The following TDRD9 variants were observed in gnomAD, a reference collection of about 807,000 sequenced individuals.
TDRD9 encodes tudor domain containing 9.
A neutral mutation model predicts 172.6 loss-of-function variants in TDRD9; 124 were observed. That is an observed-to-expected ratio of 0.72 (90% CI 0.62 to 0.83). The LOEUF is 0.83. Among genes scored for constraint, TDRD9 ranks in the 40% least tolerant of loss-of-function variants. The pLI is 0.00. For missense variants in TDRD9, 1,479 were observed against 1,714.1 expected, an observed-to-expected ratio of 0.86 and a Z score of 2.42; for synonymous variants, 619 against 617.1, an observed-to-expected ratio of 1.00 and a Z score of -0.05.
chr14:103,949,927 C>T (rs112881996), intron 1 of TDRD9, among the ~76,000 whole-genome samples: 3,537 of 152,182 alleles, frequency 0.023, 76 homozygotes, highest in East Asian at 0.07. Flanking sequence ...CCGCCCGCCT[C>T]GTCCTCCCAA....
intron 29 of TDRD9, 63 bp downstream of exon 29, chr14:104,031,326 G>A: frequency 1.4e-6 from 2 of 1,433,510 alleles, no homozygotes; most frequent in Non-Finnish European, 9.4e-7. Context: ...TTATGTGCTA[G>A]GAGTTGTAGT....
In TDRD9 at chr14:104,014,834, T is replaced by C; in HGVS notation, c.2216T>C (p.Ile739Thr). 6.3e-7 allele frequency: 1 copy of C among 1,585,214 alleles called. No homozygotes were observed. Among genetic ancestry groups the C allele is most frequent in the Non-Finnish European group, 8.6e-7 (1 of 1,159,006 alleles). ...DQEYIYKQRFILQVVLAGAFY... is the reference protein window; with the variant it reads ...DQEYIYKQRFTLQVVLAGAFY... ...GAGTATATATATAAGCAGCGATTCA[T>C]CCTACAGGTGTGCTGAAGTTTCCTG... Residue 739 changes from isoleucine to threonine, a missense_variant, in exon 21 of 36, where the codon ATC (isoleucine) becomes ACC (threonine). By Grantham distance (89) the Ile-to-Thr change is moderately conservative. Around this residue, in one of 3 missense-constraint regions of TDRD9, gnomAD observed 1,413 missense variants for 1,649.1 expected, o/e 0.86. Transcript: ENST00000409874.
At chr14:103,962,990 G>GTGTA in intron 2 of TDRD9, 89 bp from the exon 3 acceptor site, 2 of 682,878 alleles carry the variant, frequency 2.9e-6, no homozygotes, top group Admixed American at 2.7e-5. Flanking sequence ...GTGTGTGTGT[G>GTGTA]TGTATGCTGT....
At chr14:104,012,719 T>G (rs996888704) in intron 20 of TDRD9, among the ~76,000 whole-genome samples, 1 of 152,162 alleles carries the variant, frequency 6.6e-6, no homozygotes, top group African/African-American at 2.4e-5. Context: ...TTAGTGTTGG[T>G]TTCCTCTCTG....
intron 23 of TDRD9, among the ~76,000 whole-genome samples, chr14:104,021,954 C>T (rs147110595): frequency 6.6e-6 from 1 of 152,270 alleles, no homozygotes; most frequent in East Asian, 1.9e-4. Context: ...GGTTTAATGA[C>T]ATGTCATTAT....
chr14:104,004,039 A>G (rs1359973635), intron 13 of TDRD9, among the ~76,000 whole-genome samples, 199 bp from the exon 14 acceptor site: 1 of 152,216 alleles, frequency 6.6e-6, no homozygotes, highest in African/African-American at 2.4e-5. Context: ...TAGGATAGTC[A>G]TTCTTATTTA....
At chr14:103,977,058 G>A (rs2033274188) in intron 7 of TDRD9, among the ~76,000 whole-genome samples, 1 of 152,132 alleles carries the variant, frequency 6.6e-6, no homozygotes, top group Non-Finnish European at 1.5e-5. Context: ...TCTGGCACAT[G>A]TGAGATAATA....
At chr14:104,032,422 G>T (rs2035312396) in intron 30 of TDRD9, among the ~76,000 whole-genome samples, 1 of 152,078 alleles carries the variant, frequency 6.6e-6, no homozygotes, top group South Asian at 2.1e-4. Context: ...GGTCAGGCTG[G>T]TCTCAAACTC....
At chr14:104,008,735 G>T (rs1172106201) in intron 20 of TDRD9, among the ~76,000 whole-genome samples, 1 of 152,060 alleles carries the variant, frequency 6.6e-6, no homozygotes, top group African/African-American at 2.4e-5. Context: ...TCATCTTGTT[G>T]TATGTCTTTT....
Position 103,963,313 on chromosome 14 carries a change from AG to A in TDRD9, c.420+139del. ...TGTACAAGGTTCTGTGGTGGATAAG[AG>A]GAGGGTGTGCTCAGGCCAACCTGCA... On this transcript the variant is annotated intron_variant, in intron 3 of 35. Coordinates refer to ENST00000409874, the MANE Select transcript of TDRD9 (RefSeq NM_153046.3). The A allele has an allele frequency of 5.2e-6, 3 of 577,796 alleles. No homozygotes were observed. The South Asian group carries it at 7.9e-5, about 15-fold the overall frequency. The allele number at this position is 577,796 out of a possible 1,614,324, so 35.8% of individuals were successfully genotyped here.
chr14:104,014,715 T>G lies in TDRD9; in HGVS notation c.2107-10T>G, dbSNP rs948904298. 6.5e-7 allele frequency: 1 copy of G among 1,528,640 alleles called. No homozygotes were observed. Among genetic ancestry groups the G allele is most frequent in the Non-Finnish European group, 9.1e-7 (1 of 1,104,638 alleles). 94.7% of individuals were successfully genotyped at this position (1,528,640 alleles called of 1,614,324 possible). On this transcript the variant is annotated splice_polypyrimidine_tract_variant and intron_variant, in intron 20 of 35. Transcript: ENST00000409874. ...CTTTGAGACATCAGATTTCAATGTA[T>G]TTTTCTTAGGTGGCTGAATTATATG...
intron 5 of TDRD9, among the ~76,000 whole-genome samples, chr14:103,967,742 T>C (rs1249374711): frequency 6.6e-6 from 1 of 152,204 alleles, no homozygotes; most frequent in Non-Finnish European, 1.5e-5. Flanking sequence ...TGATCTACTG[T>C]TTCTTACAAA....
rs557501717 is a variant in TDRD9 at position 103,984,096 on chromosome 14, G to T, written c.1012-2121G>T. ...TTTCTAAGCAGCAAGGCATTCAAGA[G>T]GTGTCTTGGATGCTGTTAAAGGCAT... is the stretch of plus-strand genomic sequence containing the variant. On this transcript the variant is annotated intron_variant, in intron 7 of 35. Coordinates refer to ENST00000409874, the MANE Select transcript of TDRD9 (RefSeq NM_153046.3). Among the ~76,000 whole-genome samples, 20 of 152,298 alleles carry T rather than the reference G, an allele frequency of 1.3e-4. No homozygotes were observed. In the East Asian group the frequency reaches 3.7e-3, roughly 28 times the overall value.
intron 1 of TDRD9, among the ~76,000 whole-genome samples, chr14:103,950,201 T>G (rs2031799093): frequency 6.6e-6 from 1 of 150,542 alleles, no homozygotes; most frequent in Non-Finnish European, 1.5e-5. Context: ...GCGATTCTCC[T>G]GCCTCAGCCT....
intron 24 of TDRD9, among the ~76,000 whole-genome samples, chr14:104,023,050 C>T (rs527377979): frequency 5.3e-5 from 8 of 151,728 alleles, no homozygotes; most frequent in East Asian, 2.0e-4. Context: ...GGTGTGGTGG[C>T]GGGCACCTAT....
chr14:103,934,880 A>G (rs1040655042), intron 1 of TDRD9, among the ~76,000 whole-genome samples: 1 of 152,224 alleles, frequency 6.6e-6, no homozygotes, highest in African/African-American at 2.4e-5. Context: ...GACAGTGCCC[A>G]GATATTTGGT....
At chr14:103,991,573 C>T (rs374572541) in intron 9 of TDRD9, among the ~76,000 whole-genome samples, 5 of 151,308 alleles carry the variant, frequency 3.3e-5, no homozygotes, top group African/African-American at 7.3e-5. Flanking sequence ...CCACCACGCC[C>T]GGCTTATTTT....
chr14:103,951,231 C>A (rs1055748022), intron 1 of TDRD9, among the ~76,000 whole-genome samples: 1 of 152,196 alleles, frequency 6.6e-6, no homozygotes, highest in African/African-American at 2.4e-5. Context: ...TTGACTTTAT[C>A]ATTGTTTACT....
Position 104,008,401 on chromosome 14 carries a change from A to G in TDRD9, c.2053-12A>G. 7.1e-7 allele frequency: 1 copy of G among 1,413,074 alleles called. No homozygotes were observed. Among genetic ancestry groups the G allele is most frequent in the Non-Finnish European group, 1.0e-6 (1 of 1,001,266 alleles). 87.5% of individuals were successfully genotyped at this position (1,413,074 alleles called of 1,614,324 possible). ...CCTTAATATTGAGTATTCTGCTTTT[A>G]TATATTTAAAGGATGAACTTAATTG... On this transcript the variant is annotated splice_polypyrimidine_tract_variant and intron_variant, in intron 19 of 35. Coordinates refer to ENST00000409874, the MANE Select transcript of TDRD9 (RefSeq NM_153046.3).
Sources: gnomAD v4.1 joint callset for allele counts (sites outside exome capture counted in the v4.1 genomes callset) on GRCh38, gnomAD v4.1.1 for gene constraint, gnomAD v4.1.1 regional missense constraint, MANE v1.5 for transcripts, NCBI Gene and HGNC (gene_info 2026-07-23, HGNC 2026-07-21) for gene names.